Variants in ABCC9 observed in about 807,000 individuals in gnomAD.
ABCC9 encodes the protein ATP binding cassette subfamily C member 9.
In ABCC9, 95 loss-of-function variants were observed where a neutral mutation model predicts 188.3. That is an observed-to-expected ratio of 0.50 (90% CI 0.43 to 0.60). The LOEUF (loss-of-function observed/expected upper bound fraction) is 0.60. Ranked by LOEUF, ABCC9 falls within the 20% of genes least tolerant of loss-of-function variation. The pLI, the probability that ABCC9 is intolerant of heterozygous loss-of-function variation, is 0.00. For synonymous variants in ABCC9, 659 were observed against 652.7 expected, an observed-to-expected ratio of 1.01 and a Z score of -0.15; for missense variants, 1,102 against 1,876.3, an observed-to-expected ratio of 0.59 and a Z score of 7.62.
At chr12:21,856,643 T>C (rs1945242468) in intron 22 of ABCC9, among the ~76,000 whole-genome samples, 1 of 152,144 alleles carries the variant, frequency 6.6e-6, no homozygotes, top group South Asian at 2.1e-4. Context: ...CTTAAAGATA[T>C]AAGTAATGCC....
At chr12:21,919,704 T>C (rs1948730638) in intron 5 of ABCC9, among the ~76,000 whole-genome samples, 1 of 151,946 alleles carries the variant, frequency 6.6e-6, no homozygotes, top group Non-Finnish European at 1.5e-5. Flanking sequence ...AAGAAAGAGA[T>C]AAAATTAACC....
chr12:21,838,047 A>G, intron 30 of ABCC9, 31 bp downstream of exon 30: 2 of 1,474,848 alleles, frequency 1.4e-6, no homozygotes, highest in Non-Finnish European at 1.9e-6. Flanking sequence ...GTTATTGCCT[A>G]GTCAGCTAAT....
At chr12:21,824,812 G>A (rs1053600305) in intron 31 of ABCC9, among the ~76,000 whole-genome samples, 3 of 152,156 alleles carry the variant, frequency 2.0e-5, no homozygotes, top group African/African-American at 7.2e-5. Context: ...ATGGTAGTTT[G>A]TATTGATGTG....
At position 21,818,526 on chromosome 12, in the gene ABCC9, A is replaced by ATGTGTG. The variant is rs71053348; in HGVS notation, c.3670-281_3670-276dup. Among the ~76,000 whole-genome samples the ATGTGTG allele has an allele frequency of 0.018, 2,438 of 136,412 alleles. 70 individuals are homozygous for ATGTGTG. Among genetic ancestry groups the ATGTGTG allele is most frequent in the African/African-American group, 0.059 (2,156 of 36,302 alleles). 89.5% of individuals were successfully genotyped at this position (136,412 alleles called of 152,430 possible). A position where few individuals can be genotyped will look rare whatever the true frequency, so the allele number is the denominator to read the frequency against. On this transcript the variant is annotated intron_variant, in intron 31 of 39. Transcript: ENST00000261200. ...TATATAACTATATAGATATATATAT[A>ATGTGTG]TGTGTGTGTGTGTGTGTGTGTGTGT...
intron 35 of ABCC9, among the ~76,000 whole-genome samples, chr12:21,812,726 C>T (rs1942331734): frequency 6.6e-6 from 1 of 152,028 alleles, no homozygotes; most frequent in Non-Finnish European, 1.5e-5. Flanking sequence ...GGAGGGATAG[C>T]ATTAGGAGAA....
At chr12:21,894,762 C>T (rs2137743715) in intron 13 of ABCC9, among the ~76,000 whole-genome samples, 1 of 152,286 alleles carries the variant, frequency 6.6e-6, no homozygotes, top group East Asian at 1.9e-4. Flanking sequence ...AGGCATGCGC[C>T]ATCATGCTCA....
intron 31 of ABCC9, among the ~76,000 whole-genome samples, chr12:21,824,047 T>A (rs1943211304): frequency 6.6e-6 from 1 of 152,236 alleles, no homozygotes; most frequent in Admixed American, 6.5e-5. Context: ...GAAAACTATC[T>A]GTGTAGACAA....
At chr12:21,881,527 A>C (rs1433968852) in intron 16 of ABCC9, among the ~76,000 whole-genome samples, 1 of 152,182 alleles carries the variant, frequency 6.6e-6, no homozygotes, top group Non-Finnish European at 1.5e-5. Flanking sequence ...GATTCCTACT[A>C]TAGTGAACAG....
intron 31 of ABCC9, among the ~76,000 whole-genome samples, chr12:21,819,290 T>G (rs1413807507): frequency 1.3e-5 from 2 of 152,208 alleles, no homozygotes; most frequent in Non-Finnish European, 2.9e-5. Flanking sequence ...GATAAACTCC[T>G]TCTCTAGATA....
chr12:21,861,230 C>CATTT lies in ABCC9; in HGVS notation c.2340-176_2340-175insAAAT, dbSNP rs1350257236. ...AGATACATAAGTACTACTTCCCCCCCCTTTTTTTTTTTTTTTTGAAGACAG... is the reference window on the plus strand; with the variant it reads ...AGATACATAAGTACTACTTCCCCCCCATTTCTTTTTTTTTTTTTTTTGAAGACAG... On this transcript the variant is annotated intron_variant, in intron 20 of 39. Transcript: ENST00000261200. 6.8e-5 allele frequency among the ~76,000 whole-genome samples: 10 copies of CATTT among 146,748 alleles called. 2 individuals are homozygous for CATTT. Among genetic ancestry groups the CATTT allele is most frequent in the African/African-American group, 1.0e-4 (4 of 39,576 alleles).
At chr12:21,861,452 G>A (rs112064100) in intron 20 of ABCC9, among the ~76,000 whole-genome samples, 15 of 151,910 alleles carry the variant, frequency 9.9e-5, no homozygotes, top group African/African-American at 3.1e-4. Context: ...GGGTGGTTTC[G>A]AACATCTGAA....
Position 21,903,328 on chromosome 12 carries a change from G to A in ABCC9, c.1618+2798C>T, listed in dbSNP as rs538512025. Among the ~76,000 whole-genome samples the A allele has an allele frequency of 9.2e-5, 14 of 152,172 alleles. No individual in the cohort carries two copies. The South Asian group carries it at 1.5e-3, about 16-fold the overall frequency. ...ACAAACCCACAGCCAATATCATACCGAATAGGCAAAAACTGGAAGCATTCC... is the reference window on the plus strand; with the variant it reads ...ACAAACCCACAGCCAATATCATACCAAATAGGCAAAAACTGGAAGCATTCC... On this transcript the variant is annotated intron_variant, in intron 12 of 39. Coordinates refer to ENST00000261200, the MANE Select transcript of ABCC9 (RefSeq NM_020297.4).
At chr12:21,842,983 A>G (rs1339102503) in intron 28 of ABCC9, among the ~76,000 whole-genome samples, 1 of 152,070 alleles carries the variant, frequency 6.6e-6, no homozygotes, top group African/African-American at 2.4e-5. Context: ...AAATATTTGC[A>G]AATTTTTGTT....
chr12:21,900,378 C>G (rs1288587930), intron 12 of ABCC9, among the ~76,000 whole-genome samples: 2 of 152,150 alleles, frequency 1.3e-5, no homozygotes, highest in Admixed American at 6.5e-5. Context: ...AGCAGAAAAA[C>G]TGAAAATTCT....
At chr12:21,832,282 C>G (rs1943812166) in intron 30 of ABCC9, among the ~76,000 whole-genome samples, 1 of 152,144 alleles carries the variant, frequency 6.6e-6, no homozygotes, top group African/African-American at 2.4e-5. Context: ...ACCACGAACC[C>G]TCAATGCGGG....
chr12:21,845,978 A>C, intron 25 of ABCC9, 146 bp from the exon 26 acceptor site: 1 of 685,982 alleles, frequency 1.5e-6, no homozygotes. Context: ...TAGTAGGGCA[A>C]ACCTTATTTC....
At position 21,870,479 on chromosome 12, in the gene ABCC9, AACTGCTGGTTTCAAGTGAT is replaced by A. The variant is rs554938386; in HGVS notation, c.2198+2127_2198+2145del. 1.6e-3 allele frequency among the ~76,000 whole-genome samples: 239 copies of A among 152,286 alleles called. 1 individual carries two copies. The highest frequency in any genetic ancestry group is 5.5e-3 in the African/African-American group (227 of 41,556). ...CACTATGTTGCCCAGGCTGGTCTCG[AACTGCTGGTTTCAAGTGAT>A]ACTCCTGCCTCAGCATCCCAAAGTG... On this transcript the variant is annotated intron_variant, in intron 18 of 39. Transcript: ENST00000261200.
At chr12:21,827,015 C>T in intron 31 of ABCC9, 1 of 583,154 alleles carries the variant, frequency 1.7e-6, no homozygotes, top group Non-Finnish European at 2.2e-6. Context: ...CTGTTCTGCC[C>T]TTCCTGTTTC....
At chr12:21,812,188 A>G (rs1171590666) in intron 35 of ABCC9, 31 bp from the exon 36 acceptor site, 2 of 1,360,396 alleles carry the variant, frequency 1.5e-6, no homozygotes, top group African/African-American at 2.9e-5. Flanking sequence ...TTACACACAC[A>G]TAGTAAAATC....
Sources: gnomAD v4.1 joint callset for allele counts (sites outside exome capture counted in the v4.1 genomes callset) on GRCh38, gnomAD v4.1.1 for gene constraint, MANE v1.5 for transcripts, NCBI Gene and HGNC (gene_info 2026-07-23, HGNC 2026-07-21) for gene names.